The following PAX6 variants were observed in gnomAD, a reference collection of about 807,000 sequenced individuals.
PAX6 encodes paired box 6, also known as paired box protein Pax-6.
PAX6 carries 7 observed loss-of-function variants against 60.7 expected under a neutral mutation model. The observed-to-expected ratio is 0.12, with a 90% CI of 0.07 to 0.22. The LOEUF (loss-of-function observed/expected upper bound fraction) is 0.22. PAX6 is among the 10% of genes least tolerant of loss of function. The probability of loss-of-function intolerance (pLI) is 1.00; values close to 1 mark genes in which losing one functional copy is unlikely to be tolerated. For missense variants in PAX6, 355 were observed against 555.2 expected (o/e 0.64, Z 3.62); for synonymous variants, 208 against 201.2 (o/e 1.03, Z -0.29).
At chr11:31,793,950 G>T in intron 10 of PAX6, 82 bp downstream of exon 10, 1 of 1,241,772 alleles carries the variant, frequency 8.1e-7, no homozygotes, top group Non-Finnish European at 1.2e-6. Context: ...TAAATAAATA[G>T]TACTCTGTAC....
chr11:31,794,855 G>T, intron 8 of PAX6, 67 bp from the exon 9 acceptor site: 2 of 1,478,278 alleles, frequency 1.4e-6, no homozygotes, highest in South Asian at 1.1e-5. Context: ...AAGGGGCCTG[G>T]TGTAGTCTTA....
intron 8 of PAX6, among the ~76,000 whole-genome samples, chr11:31,797,573 T>A (rs371026936): frequency 6.7e-5 from 10 of 149,744 alleles, no homozygotes; most frequent in African/African-American, 2.5e-4. Flanking sequence ...AAGAAACCTG[T>A]CGCTGCAGGA....
chr11:31,790,713 T>G lies in PAX6; in HGVS notation c.1222A>C (p.Thr408Pro). 1 of 1,614,052 alleles carries G rather than the reference T, an allele frequency of 6.2e-7. No individual in the cohort carries two copies. Among genetic ancestry groups the G allele is most frequent in the Non-Finnish European group, 8.5e-7 (1 of 1,180,020 alleles). ...QPMGTSGTTS[T>P]GLISPGVSVP... is the part of the protein sequence containing the mutation. ...CCTGCAGAAAGCAGTGGCTCACCTG[T>G]TGAAGTGGTGCCCGAGGTGCCCATT... is the stretch of plus-strand genomic sequence containing the variant. Residue 408 changes from threonine to proline, a missense_variant, in exon 13 of 14, where the codon ACA becomes CCA. By Grantham distance (38) the Thr-to-Pro change is conservative. This residue lies in a region of PAX6 where 149 missense variants were observed against 191.9 expected (regional missense o/e 0.78). Transcript: ENST00000640368.
chr11:31,804,641 T>A (rs754995996), intron 4 of PAX6: 4 of 152,406 alleles, frequency 2.6e-5, no homozygotes, highest in Non-Finnish European at 5.9e-5. Context: ...CTTCGCAAGT[T>A]CCATCTACCC....
At position 31,811,298 on chromosome 11, in the gene PAX6, AC is replaced by A. The variant is rs886048208; in HGVS notation, c.-501del. On this transcript the variant is annotated 5_prime_UTR_variant, in exon 1 of 14. Transcript: ENST00000640368. ...GGCCGAGCCACGGTTCCCTTTTCAA[AC>A]CCACTAATCACTCCGCAACATGCAA... The A allele has an allele frequency of 3.3e-5, 13 of 398,462 alleles. No homozygotes were observed. The highest frequency in any genetic ancestry group is 5.3e-5 in the Non-Finnish European group (12 of 226,086). 24.7% of individuals were successfully genotyped at this position (398,462 alleles called of 1,614,324 possible).
At chr11:31,810,143 G>GCTAGCTCGCT (rs1171964122) in intron 2 of PAX6, 1 of 152,336 alleles carries the variant, frequency 6.6e-6, no homozygotes, top group Non-Finnish European at 1.5e-5. Context: ...CCCGGCTCGC[G>GCTAGCTCGCT]CTAGCTCGCT....
intron 4 of PAX6, 185 bp downstream of exon 4, chr11:31,806,217 G>A (rs1955757083): frequency 1.7e-6 from 1 of 580,146 alleles, no homozygotes; most frequent in African/African-American, 2.0e-5. Context: ...ATCGAGAAGA[G>A]CCAAGCAAAC....
rs1951337030 is a variant in PAX6 at position 31,795,872 on chromosome 11, A to C, written c.566-1084T>G. Among the ~76,000 whole-genome samples, 2 of 152,220 alleles carry C rather than the reference A, an allele frequency of 1.3e-5. 1 individual carries two copies. Among genetic ancestry groups the C allele is most frequent in the South Asian group, 4.1e-4 (2 of 4,836 alleles). ...CTGGGTCCTGGGTCTGGGGTCCTGA[A>C]ATGACCCCCAAGGGATACCAGCATG... On this transcript the variant is annotated intron_variant, in intron 8 of 13. Transcript: ENST00000640368.
intron 2 of PAX6, chr11:31,807,558 C>T (rs1006209004): frequency 6.6e-6 from 1 of 152,254 alleles, no homozygotes; most frequent in Non-Finnish European, 1.5e-5. Context: ...CCAAACCTCA[C>T]TTATTGTGAT....
chr11:31,815,811 C>A (rs1957351087), upstream of PAX6, among the ~76,000 whole-genome samples: 1 of 151,444 alleles, frequency 6.6e-6, no homozygotes, highest in African/African-American at 2.4e-5. Flanking sequence ...GAAAACAATT[C>A]GGCGCTTTTC....
chr11:31,793,604 C>A, intron 11 of PAX6, 48 bp downstream of exon 11: 2 of 1,613,762 alleles, frequency 1.2e-6, no homozygotes, highest in Non-Finnish European at 1.7e-6. Flanking sequence ...GAGCCCGGAG[C>A]AAACAGGTTT....
chr11:31,798,813 C>A (rs951637612), intron 8 of PAX6, among the ~76,000 whole-genome samples: 2 of 152,232 alleles, frequency 1.3e-5, no homozygotes, highest in Admixed American at 6.5e-5. Flanking sequence ...CCTCAGACTG[C>A]CGGCGACGAA....
chr11:31,791,342 A>G (rs1057019515), intron 12 of PAX6: 1 of 231,284 alleles, frequency 4.3e-6, no homozygotes, highest in African/African-American at 2.2e-5. Flanking sequence ...GGAACCTTTC[A>G]CTGATGGGAT....
chr11:31,790,384 A>ATT (rs1949507330), intron 13 of PAX6: 5 of 1,200,598 alleles, frequency 4.2e-6, no homozygotes, highest in Non-Finnish European at 5.4e-6. Flanking sequence ...GGCAAGAAGC[A>ATT]TTTCAACAAG....
intron 13 of PAX6, chr11:31,790,367 C>A (rs921967479): frequency 9.9e-6 from 10 of 1,009,298 alleles, no homozygotes; most frequent in Non-Finnish European, 1.3e-5. Flanking sequence ...TCTAGAGGAG[C>A]TATGAGGGCA....
chr11:31,806,129 G>A (rs1054366137), intron 4 of PAX6: 2 of 478,250 alleles, frequency 4.2e-6, no homozygotes, highest in South Asian at 3.9e-5. Flanking sequence ...CAGGATTTGG[G>A]GGGGATGGGG....
upstream of PAX6, chr11:31,812,427 C>A (rs1957144492): frequency 6.5e-6 from 1 of 152,686 alleles, no homozygotes; most frequent in Non-Finnish European, 1.5e-5. Flanking sequence ...CACCACGACT[C>A]CCTCTCCTGG....
chr11:31,804,154 A>G (rs1041940582), intron 4 of PAX6: 3 of 152,208 alleles, frequency 2.0e-5, no homozygotes, highest in African/African-American at 7.2e-5. Context: ...TTAAAATAAA[A>G]CTAGCTGCAC....
At chr11:31,793,885 C>T (rs1416298167) in intron 10 of PAX6, 83 bp from the exon 11 acceptor site, 16 of 1,495,446 alleles carry the variant, frequency 1.1e-5, no homozygotes, top group African/African-American at 2.8e-5. Context: ...GCCCTCCCCA[C>T]GCCCATGGCA....
Sources: allele counts gnomAD v4.1 joint callset (sites outside exome capture counted in the v4.1 genomes callset), GRCh38; gene constraint gnomAD v4.1.1; regional missense constraint gnomAD v4.1.1; transcripts MANE v1.5; gene names NCBI Gene and HGNC (gene_info 2026-07-23, HGNC 2026-07-21).